The following SYNDIG1 variants were observed in gnomAD, a reference collection of about 807,000 sequenced individuals.
SYNDIG1 encodes the protein synapse differentiation inducing 1, also known as synapse differentiation-inducing gene protein 1.
SYNDIG1 carries 9 observed loss-of-function variants against 19.4 expected under a neutral mutation model. The ratio of observed to expected loss-of-function variants is 0.46; its 90% CI spans 0.28 to 0.81. SYNDIG1 has a LOEUF of 0.81. Ranked by LOEUF, SYNDIG1 falls within the 30% of genes least tolerant of loss-of-function variation. The pLI, the probability that SYNDIG1 is intolerant of heterozygous loss-of-function variation, is 0.12. For synonymous variants in SYNDIG1, 141 were observed against 145.9 expected (o/e 0.97, Z 0.24); for missense variants, 311 against 343.3 (o/e 0.91, Z 0.74).
In SYNDIG1 at chr20:24,658,204, T is replaced by G. The variant is rs1190903072; in HGVS notation, c.619-7142T>G. 6.6e-6 allele frequency among the ~76,000 whole-genome samples: 1 copy of G among 152,142 alleles called. No individual in the cohort carries two copies. The highest frequency in any genetic ancestry group is 1.5e-5 in the Non-Finnish European group (1 of 68,026). On this transcript the variant is annotated intron_variant, in intron 3 of 3. Transcript: ENST00000376862. This position sits in a 1 kb window ranked among gnomAD's most constrained non-coding sequence, Gnocchi z 4.4. ...AGCCAAAGGACAAGCAAAAGCTCAT[T>G]GGAAACTCCATGAAGAGCGAAGAGA...
intron 2 of SYNDIG1, among the ~76,000 whole-genome samples, chr20:24,547,748 A>G (rs1358706855): frequency 6.6e-6 from 1 of 152,222 alleles, no homozygotes; most frequent in African/African-American, 2.4e-5. Flanking sequence ...GTGGGAAGCC[A>G]CTTCTCCTTT....
At chr20:24,551,555 ATT>A (rs61461180) in intron 2 of SYNDIG1, among the ~76,000 whole-genome samples, 4 of 137,196 alleles carry the variant, frequency 2.9e-5, no homozygotes, top group Admixed American at 7.2e-5. Context: ...TTTTTTACCT[ATT>A]TTTTTTTTTA....
At chr20:24,575,142 TC>T (rs2058207341) in intron 2 of SYNDIG1, among the ~76,000 whole-genome samples, 3 of 152,208 alleles carry the variant, frequency 2.0e-5, no homozygotes, top group Non-Finnish European at 4.4e-5. Context: ...AAGTTTGCCT[TC>T]CAGGACCCCA....
At chr20:24,484,140 C>T (rs2055887667) in intron 1 of SYNDIG1, among the ~76,000 whole-genome samples, 1 of 152,040 alleles carries the variant, frequency 6.6e-6, no homozygotes, top group Non-Finnish European at 1.5e-5. Flanking sequence ...GTCCTGGCTA[C>T]CTACTGCTGC....
At chr20:24,509,561 T>G (rs2056689415) in intron 1 of SYNDIG1, among the ~76,000 whole-genome samples, 1 of 152,238 alleles carries the variant, frequency 6.6e-6, no homozygotes, top group Non-Finnish European at 1.5e-5. Flanking sequence ...ACTCGTGTTC[T>G]TTACTTACTT....
chr20:24,603,357 G>A (rs535885123), intron 3 of SYNDIG1, among the ~76,000 whole-genome samples: 48 of 152,254 alleles, frequency 3.2e-4, no homozygotes, highest in South Asian at 1.5e-3. Flanking sequence ...TCTGGGGAGA[G>A]CTTCATTCCT....
At chr20:24,536,053 A>T (rs1425181729) in intron 1 of SYNDIG1, among the ~76,000 whole-genome samples, 1 of 152,218 alleles carries the variant, frequency 6.6e-6, no homozygotes, top group Non-Finnish European at 1.5e-5. Flanking sequence ...GGAACAGATG[A>T]ATTGTACAGG....
At chr20:24,614,605 A>AGAAG (rs377367934) in intron 3 of SYNDIG1, among the ~76,000 whole-genome samples, 1 of 138,900 alleles carries the variant, frequency 7.2e-6, no homozygotes, top group Non-Finnish European at 1.6e-5. Context: ...GAAAATCAAA[A>AGAAG]GAAGGAAGGA....
intron 3 of SYNDIG1, among the ~76,000 whole-genome samples, chr20:24,648,971 G>A (rs1359212674): frequency 1.3e-5 from 2 of 152,216 alleles, no homozygotes; most frequent in East Asian, 1.9e-4. Flanking sequence ...TGCAAGGTGC[G>A]ATGTTAAGTG....
At chr20:24,485,177 A>G (rs2055921570) in intron 1 of SYNDIG1, among the ~76,000 whole-genome samples, 1 of 152,234 alleles carries the variant, frequency 6.6e-6, no homozygotes. Flanking sequence ...TCTTTCCTTT[A>G]TAAATTACCC....
At chr20:24,497,606 T>A (rs1007458091) in intron 1 of SYNDIG1, among the ~76,000 whole-genome samples, 37 of 152,224 alleles carry the variant, frequency 2.4e-4, no homozygotes, top group Non-Finnish European at 1.5e-5. Flanking sequence ...CTATGTGCAC[T>A]GTACTGCCCA....
At chr20:24,648,284 A>G (rs935624684) in intron 3 of SYNDIG1, among the ~76,000 whole-genome samples, 4 of 152,122 alleles carry the variant, frequency 2.6e-5, no homozygotes, top group African/African-American at 9.7e-5. Context: ...TTTTCCTTTT[A>G]AGACAGGAGG....
chr20:24,567,099 GTC>G (rs1869627388), intron 2 of SYNDIG1, among the ~76,000 whole-genome samples: 1 of 152,138 alleles, frequency 6.6e-6, no homozygotes, highest in South Asian at 2.1e-4. Flanking sequence ...CAGGGTCCTT[GTC>G]TGTCTCACAG....
chr20:24,527,945 A>G (rs1390594697), intron 1 of SYNDIG1, among the ~76,000 whole-genome samples: 1 of 152,246 alleles, frequency 6.6e-6, no homozygotes, highest in Non-Finnish European at 1.5e-5. Context: ...AATAAGGTTC[A>G]GCCTCAACTT....
At chr20:24,554,999 T>C (rs2057783938) in intron 2 of SYNDIG1, among the ~76,000 whole-genome samples, 1 of 152,224 alleles carries the variant, frequency 6.6e-6, no homozygotes, top group South Asian at 2.1e-4. Flanking sequence ...ATTGGTCTAT[T>C]CAGAGATTCA....
chr20:24,520,131 C>T (rs1198828876), intron 1 of SYNDIG1, among the ~76,000 whole-genome samples: 1 of 151,954 alleles, frequency 6.6e-6, no homozygotes, highest in Non-Finnish European at 1.5e-5. Flanking sequence ...GGGGCTTTTC[C>T]CTGAGCATGC....
chr20:24,588,934 G>A (rs2058462527), intron 3 of SYNDIG1, among the ~76,000 whole-genome samples: 1 of 148,444 alleles, frequency 6.7e-6, no homozygotes, highest in African/African-American at 2.5e-5. Flanking sequence ...TTCTCTGGGG[G>A]AGGCATCTGG....
intron 2 of SYNDIG1, among the ~76,000 whole-genome samples, chr20:24,557,507 T>C (rs1234177112): frequency 6.6e-6 from 1 of 152,156 alleles, no homozygotes; most frequent in Non-Finnish European, 1.5e-5. Flanking sequence ...TTCTGTTTGT[T>C]AGTTTTCCTT....
chr20:24,600,760 G>A (rs576745486), intron 3 of SYNDIG1, among the ~76,000 whole-genome samples: 3 of 152,044 alleles, frequency 2.0e-5, no homozygotes, highest in Non-Finnish European at 2.9e-5. Flanking sequence ...GATTACAGGT[G>A]CCCGCCACCA....
Sources: allele counts gnomAD v4.1 joint callset (sites outside exome capture counted in the v4.1 genomes callset), GRCh38; gene constraint gnomAD v4.1.1; non-coding constraint Gnocchi (gnomAD v3.1); transcripts MANE v1.5; gene names NCBI Gene and HGNC (gene_info 2026-07-23, HGNC 2026-07-21).